Variants in FAM124A observed in about 807,000 individuals in gnomAD.
FAM124A encodes family with sequence similarity 124 member A, also known as protein FAM124A.
Under a neutral mutation model 24.5 loss-of-function variants are expected in FAM124A, and 23 were observed. That is an observed-to-expected ratio of 0.94 (90% CI 0.68 to 1.33). The LOEUF is 1.33. Among genes scored for constraint, FAM124A ranks in the 40% most tolerant of loss-of-function variants. The probability of loss-of-function intolerance (pLI) is 0.00; values close to 1 mark genes in which losing one functional copy is unlikely to be tolerated. For synonymous variants in FAM124A, 287 were observed against 314.7 expected (o/e 0.91, Z 0.93); for missense variants, 623 against 722.8 (o/e 0.86, Z 1.58).
At chr13:51,245,132 T>C (rs916797151) in intron 2 of FAM124A, among the ~76,000 whole-genome samples, 1 of 152,204 alleles carries the variant, frequency 6.6e-6, no homozygotes, top group Non-Finnish European at 1.5e-5. Flanking sequence ...TGCCACAAAA[T>C]ACTTAGGGTT....
At chr13:51,249,836 T>C (rs1033312339) in intron 2 of FAM124A, among the ~76,000 whole-genome samples, 2 of 152,202 alleles carry the variant, frequency 1.3e-5, no homozygotes, top group Non-Finnish European at 2.9e-5. Context: ...GGCTTATGGG[T>C]CTTCAGAGGG....
intron 1 of FAM124A, among the ~76,000 whole-genome samples, chr13:51,227,643 C>A (rs763915027): frequency 6.6e-6 from 1 of 152,170 alleles, no homozygotes; most frequent in Admixed American, 6.5e-5. Context: ...CTTGTAAACC[C>A]AAATAAAAGC....
intron 3 of FAM124A, among the ~76,000 whole-genome samples, chr13:51,255,778 C>T (rs770771142): frequency 2.0e-5 from 3 of 152,210 alleles, no homozygotes; most frequent in Non-Finnish European, 4.4e-5. Context: ...AGCTGCTGCA[C>T]AGGGGGAGGC....
intron 3 of FAM124A, among the ~76,000 whole-genome samples, chr13:51,259,111 C>T (rs7995246): frequency 0.11 from 16,160 of 152,206 alleles, 1,210 homozygotes; most frequent in African/African-American, 0.21. Context: ...GGAGTCATCC[C>T]TGAGTCCTCT....
Position 51,231,656 on chromosome 13 carries a change from T to G in FAM124A, c.100+277T>G, listed in dbSNP as rs1173591364. ...ATCTCTGAAGAATCTGAGGTAGCGC[T>G]TTCATTGAACAAACATCTATCAGAT... On this transcript the variant is annotated intron_variant, in intron 2 of 3. Coordinates refer to ENST00000322475, the MANE Select transcript of FAM124A (RefSeq NM_001242312.2). Among the ~76,000 whole-genome samples the G allele has an allele frequency of 2.0e-5, 3 of 152,184 alleles. No individual in the cohort carries two copies. The East Asian group carries it at 5.8e-4, about 29-fold the overall frequency.
At chr13:51,235,669 C>G (rs997056919) in intron 2 of FAM124A, among the ~76,000 whole-genome samples, 1 of 152,210 alleles carries the variant, frequency 6.6e-6, no homozygotes, top group Non-Finnish European at 1.5e-5. Context: ...AAAACTGTTC[C>G]TCCTCAAAAC....
intron 2 of FAM124A, among the ~76,000 whole-genome samples, chr13:51,234,835 G>A (rs115353799): frequency 3.3e-5 from 5 of 152,306 alleles, no homozygotes; most frequent in Non-Finnish European, 5.9e-5. Flanking sequence ...TCTCTGAACC[G>A]TGAGCTGCCT....
intron 2 of FAM124A, among the ~76,000 whole-genome samples, chr13:51,237,859 C>T (rs939915982): frequency 6.6e-6 from 1 of 152,210 alleles, no homozygotes; most frequent in African/African-American, 2.4e-5. Flanking sequence ...CTTTTCCCCA[C>T]CCCAGAAGCC....
chr13:51,264,435 C>T (rs1248274973), intron 3 of FAM124A, among the ~76,000 whole-genome samples: 2 of 152,200 alleles, frequency 1.3e-5, no homozygotes, highest in Non-Finnish European at 2.9e-5. Flanking sequence ...TTTGAGATCT[C>T]TCTTAACTGA....
intron 3 of FAM124A, 64 bp from the exon 4 acceptor site, chr13:51,280,386 G>A: frequency 7.1e-7 from 1 of 1,398,924 alleles, no homozygotes; most frequent in Non-Finnish European, 9.7e-7. Flanking sequence ...ATTGGTAACT[G>A]TGTTTCCTGA....
At position 51,258,280 on chromosome 13, in the gene FAM124A, T is replaced by A. The variant is rs1005675065; in HGVS notation, c.834+6079T>A. 6.6e-6 allele frequency among the ~76,000 whole-genome samples: 1 copy of A among 152,250 alleles called. No individual in the cohort carries two copies. The highest frequency in any genetic ancestry group is 1.5e-5 in the Non-Finnish European group (1 of 68,050). On this transcript the variant is annotated intron_variant, in intron 3 of 3. Transcript: ENST00000322475. The surrounding 1 kb of genome is among the most constrained non-coding windows in gnomAD (Gnocchi z 4.2). ...AACTCATTATTTCCAAATAAGGTCA[T>A]ATTCTGAGGTTACTAGGGGATGGAA...
chr13:51,224,906 C>T (rs1954301634), intron 1 of FAM124A, among the ~76,000 whole-genome samples: 1 of 152,100 alleles, frequency 6.6e-6, no homozygotes, highest in African/African-American at 2.4e-5. Context: ...TGTTTCCTCG[C>T]CTTTGTCAAG....
At chr13:51,248,468 T>G (rs1272819023) in intron 2 of FAM124A, among the ~76,000 whole-genome samples, 1 of 152,234 alleles carries the variant, frequency 6.6e-6, no homozygotes, top group Non-Finnish European at 1.5e-5. Flanking sequence ...GTTTCAGGCT[T>G]GAAACAACCA....
At chr13:51,245,209 G>A in intron 2 of FAM124A, 2 of 471,274 alleles carry the variant, frequency 4.2e-6, no homozygotes, top group Non-Finnish European at 7.6e-6. Flanking sequence ...CGGACCAGGT[G>A]TGCCATTTGC....
chr13:51,241,712 A>G (rs1954496554), intron 2 of FAM124A, among the ~76,000 whole-genome samples: 1 of 147,114 alleles, frequency 6.8e-6, no homozygotes, highest in African/African-American at 2.5e-5. Context: ...AATTTTCAAA[A>G]TATTTGAATA....
chr13:51,254,086 T>G (rs1361503937), intron 3 of FAM124A, among the ~76,000 whole-genome samples: 1 of 152,166 alleles, frequency 6.6e-6, no homozygotes, highest in African/African-American at 2.4e-5. Flanking sequence ...TCAGCAAAAT[T>G]AAGGTAGTTA....
chr13:51,238,397 G>A (rs147950398), intron 2 of FAM124A, among the ~76,000 whole-genome samples: 3 of 152,290 alleles, frequency 2.0e-5, no homozygotes, highest in East Asian at 3.9e-4. Context: ...ATGCAAGCTC[G>A]CTCTTAAATC....
Position 51,252,045 on chromosome 13 carries a change from C to A in FAM124A, c.678C>A (p.Pro226=). Residue 226 remains proline (P), a synonymous_variant, in exon 3 of 4, where the codon CCC becomes CCA. Coordinates refer to ENST00000322475, the MANE Select transcript of FAM124A (RefSeq NM_001242312.2). ...TCCAGTTCTCCCTGAAAAGACTGCC[C>A]TGTGACCAGTGCCCGGTGCCCACCG... The part of the protein sequence containing the change: ...VDIQFSLKRL[P]CDQCPVPTDS... 6.2e-7 allele frequency: 1 copy of A among 1,614,184 alleles called. No individual in the cohort carries two copies. Among genetic ancestry groups the A allele is most frequent in the Non-Finnish European group, 8.5e-7 (1 of 1,180,034 alleles).
rs1028456517 is a variant in FAM124A at position 51,283,006 on chromosome 13, T to C, written c.*1750T>C. 6.6e-6 allele frequency: 1 copy of C among 152,176 alleles called. No individual in the cohort carries two copies. The allele number at this position is 152,176 out of a possible 1,614,324, so 9.4% of individuals were successfully genotyped here. A position where few individuals can be genotyped will look rare whatever the true frequency, so the allele number is the denominator to read the frequency against. On this transcript the variant is annotated 3_prime_UTR_variant, in exon 4 of 4. Transcript: ENST00000322475. ...AGTATGAAAGCAGCCATGAGTAATA[T>C]GTTAATGAATGGGAATGGCTGAGTT...
Sources: allele counts gnomAD v4.1 joint callset (sites outside exome capture counted in the v4.1 genomes callset), GRCh38; gene constraint gnomAD v4.1.1; non-coding constraint Gnocchi (gnomAD v3.1); transcripts MANE v1.5; gene names NCBI Gene and HGNC (gene_info 2026-07-23, HGNC 2026-07-21).